Variants in PRRC2B observed in about 807,000 individuals in gnomAD.
The protein encoded by PRRC2B is protein PRRC2B.
Under a neutral mutation model 242.3 loss-of-function variants are expected in PRRC2B, and 68 were observed. The observed-to-expected ratio is 0.28, with a 90% CI of 0.23 to 0.34. The LOEUF (loss-of-function observed/expected upper bound fraction) is 0.34, where lower values mean the gene tolerates loss of function less well. Among genes scored for constraint, PRRC2B ranks in the 10% least tolerant of loss-of-function variants. The pLI is 1.00. For synonymous variants in PRRC2B, 1,228 were observed against 1,173.6 expected (o/e 1.05, Z -0.95); for missense variants, 2,835 against 2,954.8 (o/e 0.96, Z 0.94).
intron 26 of PRRC2B, chr9:131,486,644 C>A: frequency 1.5e-6 from 1 of 669,958 alleles, no homozygotes; most frequent in Non-Finnish European, 1.8e-6. Flanking sequence ...AATGCTGGTG[C>A]TGGGCCTTTG....
intron 13 of PRRC2B, among the ~76,000 whole-genome samples, chr9:131,469,820 G>C (rs1184691078): frequency 6.6e-6 from 1 of 152,194 alleles, no homozygotes; most frequent in African/African-American, 2.4e-5. Flanking sequence ...CTGATAATTT[G>C]TTTACCCATT....
chr9:131,416,230 T>G (rs971511252), intron 1 of PRRC2B, among the ~76,000 whole-genome samples: 4 of 152,084 alleles, frequency 2.6e-5, no homozygotes, highest in Admixed American at 2.6e-4. Context: ...TGCCTCAGCC[T>G]CCTGAGTAGC....
intron 1 of PRRC2B, among the ~76,000 whole-genome samples, chr9:131,380,299 C>T (rs199605859): frequency 3.6e-3 from 1 of 274 alleles, no homozygotes; most frequent in African/African-American, 6.4e-3. Context: ...AAGCTGGGCA[C>T]GGGCACGGTG....
Position 131,399,434 on chromosome 9 carries a change from C to A in PRRC2B, c.-52+5171C>A, listed in dbSNP as rs368371547. Reference sequence around the variant, plus strand: ...GTCTACTAAAAATACAAAAAATTAGCCGGGCGTGGTGGCGGGCGCCTGTAG... The same window carrying A: ...GTCTACTAAAAATACAAAAAATTAGACGGGCGTGGTGGCGGGCGCCTGTAG... On this transcript the variant is annotated intron_variant, in intron 1 of 31. Coordinates refer to ENST00000683519, the MANE Select transcript of PRRC2B (RefSeq NM_013318.4). Among the ~76,000 whole-genome samples, 44 of 151,826 alleles carry A rather than the reference C, an allele frequency of 2.9e-4. No individual in the cohort carries two copies. In the South Asian group the frequency reaches 9.0e-3, roughly 31 times the overall value.
intron 1 of PRRC2B, among the ~76,000 whole-genome samples, chr9:131,426,964 C>G (rs1291564405): frequency 1.3e-5 from 2 of 152,174 alleles, no homozygotes; most frequent in African/African-American, 4.8e-5. Context: ...AGTTAAGTAA[C>G]CAACCAGCAT....
chr9:131,411,522 A>G (rs1242169505), intron 1 of PRRC2B, among the ~76,000 whole-genome samples: 1 of 149,908 alleles, frequency 6.7e-6, no homozygotes, highest in Non-Finnish European at 1.5e-5. Flanking sequence ...AATTTTTTGT[A>G]TTTTTAGTAG....
rs370331012 is a variant in PRRC2B, at chr9:131,446,360, C to T, written c.614-41C>T. On this transcript the variant is annotated intron_variant, in intron 6 of 31. Coordinates refer to ENST00000683519, the MANE Select transcript of PRRC2B (RefSeq NM_013318.4). The surrounding 1 kb of genome is among the most constrained non-coding windows in gnomAD (Gnocchi z 4.1). The stretch of plus-strand genomic sequence containing the variant: ...AACCTCATACGATCCCTCCTTCCCC[C>T]TCCTCTTCCCTCTCCCCTTTTGCCC... The T allele has an allele frequency of 2.5e-6, 4 of 1,608,278 alleles. No individual in the cohort carries two copies. The highest frequency in any genetic ancestry group is 1.7e-4 in the Middle Eastern group (1 of 5,998).
intron 3 of PRRC2B, 40 bp downstream of exon 3, chr9:131,432,834 C>T (rs770083315): frequency 1.2e-6 from 2 of 1,603,260 alleles, no homozygotes; most frequent in African/African-American, 2.7e-5. Context: ...AGCTGGCGCT[C>T]CAAGGGTGGT....
At chr9:131,399,145 G>T (rs959711295) in intron 1 of PRRC2B, among the ~76,000 whole-genome samples, 2 of 151,396 alleles carry the variant, frequency 1.3e-5, no homozygotes, top group African/African-American at 2.4e-5. Context: ...ATGCCGTGGC[G>T]AGTGCCTGTA....
intron 11 of PRRC2B, 63 bp from the exon 12 acceptor site, chr9:131,464,700 G>A: frequency 6.3e-6 from 9 of 1,420,008 alleles, no homozygotes; most frequent in Non-Finnish European, 7.6e-6. Flanking sequence ...CCCAAAGTGG[G>A]AGTGGTTCCT....
chr9:131,482,313 C>T lies in PRRC2B; in HGVS notation c.4984-58C>T, dbSNP rs1943892424. ...AGTCTCTGTGCCACATGCAGTTTTA[C>T]TCTCTGGATAATCGAGTTGGGAGTT... On this transcript the variant is annotated intron_variant, in intron 20 of 31. Transcript: ENST00000683519. The surrounding 1 kb of genome is among the most constrained non-coding windows in gnomAD (Gnocchi z 5.2). 1 of 1,503,088 alleles carries T rather than the reference C, an allele frequency of 6.7e-7. No individual in the cohort carries two copies. The highest frequency in any genetic ancestry group is 1.4e-5 in the African/African-American group (1 of 71,562). 93.1% of individuals were successfully genotyped at this position (1,503,088 alleles called of 1,614,324 possible).
intron 9 of PRRC2B, 124 bp from the exon 10 acceptor site, chr9:131,454,952 G>C (rs1943030028): frequency 5.8e-6 from 4 of 687,918 alleles, no homozygotes; most frequent in Non-Finnish European, 1.0e-5. Context: ...TCAAACTCCT[G>C]TCCTCATGAT....
chr9:131,388,417 T>C (rs940572433), intron 1 of PRRC2B, among the ~76,000 whole-genome samples: 1 of 149,198 alleles, frequency 6.7e-6, no homozygotes, highest in African/African-American at 2.4e-5. Context: ...ATTTTTTGTA[T>C]TTCGTAGAGA....
At chr9:131,420,499 T>TCTTTCTTTCTTTCCTTC (rs889470295) in intron 1 of PRRC2B, among the ~76,000 whole-genome samples, 1 of 84,494 alleles carries the variant, frequency 1.2e-5, no homozygotes, top group Non-Finnish European at 2.5e-5. Flanking sequence ...CTTTCTTTTT[T>TCTTTCTTTCTTTCCTTC]TTTTTTTTTT....
chr9:131,456,597 C>CACT (rs1943087440), intron 10 of PRRC2B, among the ~76,000 whole-genome samples: 2 of 151,704 alleles, frequency 1.3e-5, no homozygotes, highest in South Asian at 4.2e-4. Flanking sequence ...CGCCACATGC[C>CACT]ACTGCACTCC....
intron 9 of PRRC2B, among the ~76,000 whole-genome samples, chr9:131,448,614 G>GTGGCTGTT (rs1838907825): frequency 7.0e-6 from 1 of 143,492 alleles, no homozygotes; most frequent in Admixed American, 7.3e-5. Flanking sequence ...CTGGAGTGGA[G>GTGGCTGTT]TGGCTGTTTG....
chr9:131,397,051 A>G (rs575224132), intron 1 of PRRC2B, among the ~76,000 whole-genome samples: 1 of 152,220 alleles, frequency 6.6e-6, no homozygotes, highest in Non-Finnish European at 1.5e-5. Context: ...TGTGGAACTG[A>G]GATATTTTAG....
rs781675270 is a variant in PRRC2B at position 131,482,800 on chromosome 9, G to A, written c.5266G>A (p.Gly1756Arg). Residue 1756 changes from glycine (G) to arginine (R), a missense_variant, in exon 22 of 32, where the codon GGG becomes AGG. By Grantham distance (125) the Gly-to-Arg change is moderately radical. Around this residue, in one of 7 missense-constraint regions of PRRC2B, gnomAD observed 574 missense variants for 626.0 expected, o/e 0.92. Transcript: ENST00000683519. This position sits in a 1 kb window ranked among gnomAD's most constrained non-coding sequence, Gnocchi z 5.2. ...TCTGAAAAACAGAAAGGGCTCGGAG[G>A]GGGCCGAGCGGCTGCAAGGGGCTGT... ...RSLKNRKGSE[G>R]AERLQGAVVP... The A allele has an allele frequency of 3.9e-5, 62 of 1,610,190 alleles. No individual in the cohort carries two copies. In the South Asian group the frequency reaches 5.6e-4, roughly 15 times the overall value.
At chr9:131,468,571 A>G (rs376917076) in intron 13 of PRRC2B, among the ~76,000 whole-genome samples, 3 of 152,184 alleles carry the variant, frequency 2.0e-5, no homozygotes, top group Non-Finnish European at 4.4e-5. Flanking sequence ...ACTCATCAGC[A>G]ATCGTGCCTA....
Sources: allele counts gnomAD v4.1 joint callset (sites outside exome capture counted in the v4.1 genomes callset), GRCh38; gene constraint gnomAD v4.1.1; regional missense constraint gnomAD v4.1.1; non-coding constraint Gnocchi (gnomAD v3.1); transcripts MANE v1.5; gene names NCBI Gene and HGNC (gene_info 2026-07-23, HGNC 2026-07-21).